Variants in TMOD1 observed in about 807,000 individuals in gnomAD.
TMOD1 encodes tropomodulin 1, also known as tropomodulin-1.
TMOD1 carries 17 observed loss-of-function variants against 40.6 expected under a neutral mutation model. That is an observed-to-expected ratio of 0.42 (90% confidence interval 0.29 to 0.63). The LOEUF is 0.63. Among genes scored for constraint, TMOD1 ranks in the 20% least tolerant of loss-of-function variants. The pLI is 0.22. For synonymous variants in TMOD1, 181 were observed against 175.0 expected, an observed-to-expected ratio of 1.03 and a Z score of -0.27; for missense variants, 391 against 447.6, an observed-to-expected ratio of 0.87 and a Z score of 1.14.
chr9:97,527,481 T>C (rs10982522), intron 2 of TMOD1, among the ~76,000 whole-genome samples: 33,447 of 152,190 alleles, frequency 0.22, 3,975 homozygotes, highest in Middle Eastern at 0.36. Context: ...CAGGTGATAC[T>C]GGAACTGAGC....
chr9:97,585,222 T>G (rs1224942327), intron 8 of TMOD1, among the ~76,000 whole-genome samples: 2 of 152,086 alleles, frequency 1.3e-5, no homozygotes, highest in East Asian at 3.8e-4. Context: ...TCTCTCAGCA[T>G]TTGCTTGTCT....
At chr9:97,570,470 G>T (rs1830801064) in intron 8 of TMOD1, among the ~76,000 whole-genome samples, 2 of 152,212 alleles carry the variant, frequency 1.3e-5, no homozygotes, top group Admixed American at 6.5e-5. Flanking sequence ...CTCATGGTAG[G>T]TGGGAGTATT....
At chr9:97,572,706 T>TC (rs1291435483) in intron 8 of TMOD1, among the ~76,000 whole-genome samples, 1 of 152,204 alleles carries the variant, frequency 6.6e-6, no homozygotes, top group East Asian at 1.9e-4. Context: ...GGGAGCTTTT[T>TC]CCTCAGTCCT....
At chr9:97,527,188 T>G (rs981365281) in intron 2 of TMOD1, among the ~76,000 whole-genome samples, 1 of 152,234 alleles carries the variant, frequency 6.6e-6, no homozygotes, top group Non-Finnish European at 1.5e-5. Context: ...AATTATTCTG[T>G]TCTAATTCTA....
chr9:97,520,756 A>G (rs929615433), intron 1 of TMOD1, among the ~76,000 whole-genome samples: 10 of 152,162 alleles, frequency 6.6e-5, no homozygotes, highest in Admixed American at 2.6e-4. Flanking sequence ...AGACTTCTTT[A>G]GGAAATTTCA....
Position 97,553,261 on chromosome 9 carries a change from G to A in TMOD1, c.278-20G>A. 1 of 1,613,680 alleles carries A rather than the reference G, an allele frequency of 6.2e-7. No homozygotes were observed. The highest frequency in any genetic ancestry group is 8.5e-7 in the Non-Finnish European group (1 of 1,179,962). ...TTCCATTGCAGCCACTCCCGTAACAGGTCCCCTGTGTGTTTGCAGGAAAGG... is the reference window on the plus strand; with the variant it reads ...TTCCATTGCAGCCACTCCCGTAACAAGTCCCCTGTGTGTTTGCAGGAAAGG... On this transcript the variant is annotated intron_variant, in intron 3 of 9. Coordinates refer to ENST00000259365, the MANE Select transcript of TMOD1 (RefSeq NM_003275.4).
intron 8 of TMOD1, 127 bp downstream of exon 8, chr9:97,569,164 C>T: frequency 8.3e-7 from 1 of 1,210,544 alleles, no homozygotes; most frequent in Non-Finnish European, 1.1e-6. Flanking sequence ...CTTTGAGGGA[C>T]CTCCAAGGTC....
rs563193442 is a variant in TMOD1, at chr9:97,505,657, A to G, written c.-49+3854A>G. Among the ~76,000 whole-genome samples the G allele has an allele frequency of 1.8e-4, 27 of 151,436 alleles. 1 individual carries two copies. In the South Asian group the frequency reaches 5.0e-3, roughly 28 times the overall value. On this transcript the variant is annotated intron_variant, in intron 1 of 9. Transcript: ENST00000259365. ...CTCCCACGACTCCAGTCACCTCCCAACTCCCTAATTCTTGCATCAAGCTGG... is the reference window on the plus strand; with the variant it reads ...CTCCCACGACTCCAGTCACCTCCCAGCTCCCTAATTCTTGCATCAAGCTGG...
chr9:97,515,003 C>T (rs1165839209), intron 1 of TMOD1, among the ~76,000 whole-genome samples: 1 of 152,108 alleles, frequency 6.6e-6, no homozygotes, highest in African/African-American at 2.4e-5. Flanking sequence ...GTGCAGTACA[C>T]GGACACCTAT....
chr9:97,549,938 A>G (rs1368138229), intron 3 of TMOD1, among the ~76,000 whole-genome samples: 1 of 152,204 alleles, frequency 6.6e-6, no homozygotes, highest in African/African-American at 2.4e-5. Context: ...AAAATTAACC[A>G]TTTAAAAATG....
intron 9 of TMOD1, among the ~76,000 whole-genome samples, chr9:97,599,378 T>C (rs963553034): frequency 2.0e-5 from 3 of 152,188 alleles, no homozygotes; most frequent in Admixed American, 1.3e-4. Context: ...AGCCGACTTA[T>C]AACGTGGGAC....
At chr9:97,562,995 T>A (rs748091795) in intron 5 of TMOD1, among the ~76,000 whole-genome samples, 174 bp downstream of exon 5, 6 of 152,250 alleles carry the variant, frequency 3.9e-5, no homozygotes, top group Non-Finnish European at 7.3e-5. Flanking sequence ...TCTATCCCAG[T>A]ATTATAGAAA....
At chr9:97,570,528 T>G (rs1002293593) in intron 8 of TMOD1, among the ~76,000 whole-genome samples, 1 of 152,170 alleles carries the variant, frequency 6.6e-6, no homozygotes, top group Non-Finnish European at 1.5e-5. Context: ...CAGGGCTTTT[T>G]TTTTTTCTTT....
At chr9:97,548,326 C>T (rs902987129) in intron 3 of TMOD1, among the ~76,000 whole-genome samples, 1 of 152,132 alleles carries the variant, frequency 6.6e-6, no homozygotes, top group Non-Finnish European at 1.5e-5. Context: ...CAAACCATTC[C>T]AAATCCTGGA....
At chr9:97,581,428 G>T (rs9299231) in intron 8 of TMOD1, among the ~76,000 whole-genome samples, 74,703 of 151,236 alleles carry the variant, frequency 0.49, 19,056 homozygotes, top group African/African-American at 0.62. Context: ...AAGTCTTTGC[G>T]ATTGTGAATA....
intron 9 of TMOD1, among the ~76,000 whole-genome samples, chr9:97,597,931 C>G (rs541950035): frequency 4.6e-5 from 7 of 151,950 alleles, no homozygotes; most frequent in Non-Finnish European, 8.8e-5. Flanking sequence ...AGGAGCTAAT[C>G]CTCCCTGTGA....
chr9:97,548,193 C>A (rs1466079370), intron 3 of TMOD1, among the ~76,000 whole-genome samples: 1 of 152,188 alleles, frequency 6.6e-6, no homozygotes, highest in Admixed American at 6.5e-5. Flanking sequence ...GCATTGTGAG[C>A]CCCAGGTCCA....
chr9:97,581,384 C>T (rs1416356952), intron 8 of TMOD1, among the ~76,000 whole-genome samples: 1 of 151,822 alleles, frequency 6.6e-6, no homozygotes, highest in African/African-American at 2.4e-5. Flanking sequence ...TTTCTTAATC[C>T]AGTCTGTCAT....
intron 9 of TMOD1, among the ~76,000 whole-genome samples, chr9:97,593,156 G>A (rs1281980091): frequency 6.6e-6 from 1 of 152,080 alleles, no homozygotes; most frequent in Non-Finnish European, 1.5e-5. Flanking sequence ...TCCTATCTCT[G>A]GGCTAACCCA....
Sources: gnomAD v4.1 joint callset for allele counts (sites outside exome capture counted in the v4.1 genomes callset) on GRCh38, gnomAD v4.1.1 for gene constraint, MANE v1.5 for transcripts, NCBI Gene and HGNC (gene_info 2026-07-23, HGNC 2026-07-21) for gene names.